The following CARMIL1 variants were observed in gnomAD, a reference collection of about 807,000 sequenced individuals.
The protein encoded by CARMIL1 is F-actin-uncapping protein LRRC16A.
A neutral mutation model predicts 177.1 loss-of-function variants in CARMIL1; 90 were observed. That is an observed-to-expected ratio of 0.51 (90% CI 0.43 to 0.61). The LOEUF is 0.61. Among genes scored for constraint, CARMIL1 ranks in the 20% least tolerant of loss-of-function variants. The pLI is 0.00. For missense variants in CARMIL1, 1,380 were observed against 1,667.0 expected (o/e 0.83, Z 3.00); for synonymous variants, 577 against 606.2 (o/e 0.95, Z 0.71).
intron 31 of CARMIL1, among the ~76,000 whole-genome samples, chr6:25,588,769 C>T (rs1814013524): frequency 6.6e-6 from 1 of 152,198 alleles, no homozygotes; most frequent in Non-Finnish European, 1.5e-5. Flanking sequence ...GCTGACTCTA[C>T]CACTAACTGG....
chr6:25,426,427 TTTA>T, intron 3 of CARMIL1, 71 bp from the exon 4 acceptor site: 5 of 1,131,962 alleles, frequency 4.4e-6, no homozygotes, highest in Admixed American at 2.4e-5. Context: ...TTTTTTTTTT[TTTA>T]CCTTAAGTTA....
At chr6:25,405,022 C>G (rs887293746) in intron 2 of CARMIL1, among the ~76,000 whole-genome samples, 5 of 135,572 alleles carry the variant, frequency 3.7e-5, no homozygotes, top group Non-Finnish European at 4.7e-5. Flanking sequence ...TATGACTAAA[C>G]CCGTCAACGT....
intron 1 of CARMIL1, 97 bp downstream of exon 1, chr6:25,279,932 T>C (rs1408054787): frequency 1.4e-6 from 2 of 1,423,142 alleles, no homozygotes; most frequent in Admixed American, 3.3e-5. Flanking sequence ...TCTCGAGAAG[T>C]CTTGGCGCCC....
At chr6:25,466,625 C>T (rs1015763669) in intron 9 of CARMIL1, among the ~76,000 whole-genome samples, 2 of 152,144 alleles carry the variant, frequency 1.3e-5, no homozygotes, top group Non-Finnish European at 2.9e-5. Flanking sequence ...GAGACTCTCA[C>T]GTTTAAGCCT....
chr6:25,464,274 C>G (rs1388192189), intron 8 of CARMIL1, among the ~76,000 whole-genome samples: 1 of 151,656 alleles, frequency 6.6e-6, no homozygotes, highest in Non-Finnish European at 1.5e-5. Flanking sequence ...TCTGTGGGCA[C>G]TCATCTCATC....
At chr6:25,333,598 G>A (rs914513599) in intron 2 of CARMIL1, among the ~76,000 whole-genome samples, 8 of 152,292 alleles carry the variant, frequency 5.3e-5, no homozygotes, top group African/African-American at 1.9e-4. Flanking sequence ...GCTTCTTTAA[G>A]AGGAGGATTA....
At chr6:25,357,206 A>G (rs767232050) in intron 2 of CARMIL1, among the ~76,000 whole-genome samples, 3 of 152,042 alleles carry the variant, frequency 2.0e-5, no homozygotes, top group South Asian at 4.1e-4. Context: ...TACCACTTAG[A>G]TGGTTGTTGT....
intron 31 of CARMIL1, among the ~76,000 whole-genome samples, chr6:25,583,480 G>A (rs1813321441): frequency 6.6e-6 from 1 of 152,206 alleles, no homozygotes; most frequent in Non-Finnish European, 1.5e-5. Context: ...AATATGCTCA[G>A]TGCTTACATT....
At position 25,472,864 on chromosome 6, in the gene CARMIL1, A is replaced by T. The variant is rs1469988486; in HGVS notation, c.874+343A>T. Among the ~76,000 whole-genome samples the T allele has an allele frequency of 2.6e-5, 4 of 152,210 alleles. No homozygotes were observed. In the East Asian group the frequency reaches 7.7e-4, roughly 29 times the overall value. On this transcript the variant is annotated intron_variant, in intron 11 of 36. Transcript: ENST00000329474. ...CTGTCCTTGGCTCAGGAGTCTGGGT[A>T]CGGGTTAGCTGGGTTCTGTGCTCTG... is the stretch of plus-strand genomic sequence containing the variant.
At chr6:25,427,987 C>A (rs1053739345) in intron 4 of CARMIL1, among the ~76,000 whole-genome samples, 4 of 152,172 alleles carry the variant, frequency 2.6e-5, no homozygotes, top group Admixed American at 6.5e-5. Flanking sequence ...ATTCCCTTAA[C>A]AGTGTCTTTC....
chr6:25,359,716 G>C (rs1048426181), intron 2 of CARMIL1, among the ~76,000 whole-genome samples: 1 of 152,190 alleles, frequency 6.6e-6, no homozygotes, highest in African/African-American at 2.4e-5. Context: ...TGGGTGCACT[G>C]ATGTGCACAG....
chr6:25,406,256 G>T (rs1440648723), intron 2 of CARMIL1, among the ~76,000 whole-genome samples: 1 of 152,208 alleles, frequency 6.6e-6, no homozygotes, highest in Non-Finnish European at 1.5e-5. Context: ...GAGTAGGCAT[G>T]AGCCAGGTGA....
At chr6:25,302,717 G>A (rs1481865444) in intron 2 of CARMIL1, among the ~76,000 whole-genome samples, 1 of 152,158 alleles carries the variant, frequency 6.6e-6, no homozygotes, top group East Asian at 1.9e-4. Context: ...CAATAACAGC[G>A]ATGCTGGGAG....
chr6:25,408,292 T>TAAAAAAAA (rs1166997029), intron 2 of CARMIL1, among the ~76,000 whole-genome samples: 9 of 96,428 alleles, frequency 9.3e-5, no homozygotes, highest in Non-Finnish European at 9.9e-5. Context: ...TCTCTTAAAA[T>TAAAAAAAA]AAAAAAAAAA....
rs1486781883 is a variant in CARMIL1, at chr6:25,326,765, A to G, written c.138+41856A>G. Among the ~76,000 whole-genome samples, 2 of 152,070 alleles carry G rather than the reference A, an allele frequency of 1.3e-5. No individual in the cohort carries two copies. Among genetic ancestry groups the G allele is most frequent in the Admixed American group, 1.3e-4 (2 of 15,260 alleles). ...TCTGGTGTATGTTTTGAAGGTAGGG[A>G]TGATAGGACTTTTGTATATGGGAGC... is the stretch of plus-strand genomic sequence containing the variant. On this transcript the variant is annotated intron_variant, in intron 2 of 36. Coordinates refer to ENST00000329474, the MANE Select transcript of CARMIL1 (RefSeq NM_017640.6). This position sits in a 1 kb window ranked among gnomAD's most constrained non-coding sequence, Gnocchi z 4.2.
intron 29 of CARMIL1, 60 bp downstream of exon 29, chr6:25,556,910 T>TTTG (rs1489254769): frequency 1.5e-5 from 22 of 1,491,114 alleles, no homozygotes; most frequent in African/African-American, 1.2e-4. Flanking sequence ...CATTGTTTTT[T>TTTG]TTTTTTTTTT....
chr6:25,321,246 C>T (rs1035579426), intron 2 of CARMIL1, among the ~76,000 whole-genome samples: 4 of 152,308 alleles, frequency 2.6e-5, no homozygotes, highest in South Asian at 2.1e-4. Context: ...TGAGCACCCA[C>T]CCACGGGGTT....
intron 8 of CARMIL1, among the ~76,000 whole-genome samples, chr6:25,459,254 C>CTTTCTTTCT (rs1562167469): frequency 1.8e-5 from 2 of 110,208 alleles, no homozygotes; most frequent in Non-Finnish European, 3.7e-5. Flanking sequence ...TTCTTTCTTT[C>CTTTCTTTCT]TTTCTTTCTT....
chr6:25,472,673 A>G lies in CARMIL1; in HGVS notation c.874+152A>G, dbSNP rs565624227. The G allele has an allele frequency of 1.3e-5, 8 of 593,900 alleles. No homozygotes were observed. In the Admixed American group the frequency reaches 2.2e-4, roughly 16 times the overall value. The allele number at this position is 593,900 out of a possible 1,614,324, so 36.8% of individuals were successfully genotyped here. On this transcript the variant is annotated intron_variant, in intron 11 of 36. Coordinates refer to ENST00000329474, the MANE Select transcript of CARMIL1 (RefSeq NM_017640.6). ...GGCTTCCAGTTCTTTCCACCCTTTC[A>G]TATAAATGCTTATGTTACAATTGTA...
Sources: gnomAD v4.1 joint callset for allele counts (sites outside exome capture counted in the v4.1 genomes callset) on GRCh38, gnomAD v4.1.1 for gene constraint, Gnocchi (gnomAD v3.1) non-coding constraint, MANE v1.5 for transcripts, NCBI Gene and HGNC (gene_info 2026-07-23, HGNC 2026-07-21) for gene names.